The following FGGY variants were observed in gnomAD, a reference collection of about 807,000 sequenced individuals.
FGGY encodes the protein FGGY carbohydrate kinase domain containing, also known as FGGY carbohydrate kinase domain-containing protein.
In FGGY, 72 loss-of-function variants were observed where a neutral mutation model predicts 71.3. That is an observed-to-expected ratio of 1.01 (90% CI 0.84 to 1.23). The LOEUF (loss-of-function observed/expected upper bound fraction) is 1.23. FGGY is among the 50% of genes most tolerant of loss of function. FGGY has a pLI of 0.00. For missense variants in FGGY, 668 were observed against 682.3 expected (o/e 0.98, Z 0.23); for synonymous variants, 251 against 250.3 (o/e 1.00, Z -0.02).
At chr1:59,585,943 G>A (rs2096278121) in intron 8 of FGGY, among the ~76,000 whole-genome samples, 1 of 152,202 alleles carries the variant, frequency 6.6e-6, no homozygotes, top group Non-Finnish European at 1.5e-5. Context: ...TCAGAAAAAT[G>A]CAAATCAAAA....
chr1:59,605,629 T>C (rs1265725701), intron 8 of FGGY, among the ~76,000 whole-genome samples: 1 of 152,214 alleles, frequency 6.6e-6, no homozygotes, highest in Non-Finnish European at 1.5e-5. Flanking sequence ...ACTGTCCTTA[T>C]TTGACAAAAT....
intron 9 of FGGY, among the ~76,000 whole-genome samples, chr1:59,611,541 G>C (rs1219373897): frequency 6.6e-6 from 1 of 152,148 alleles, no homozygotes; most frequent in African/African-American, 2.4e-5. Context: ...AAACCACAAA[G>C]ATGGGGAAAA....
At chr1:59,382,075 A>G (rs539768287) in intron 5 of FGGY, among the ~76,000 whole-genome samples, 2 of 152,272 alleles carry the variant, frequency 1.3e-5, no homozygotes, top group South Asian at 4.1e-4. Context: ...TCTGGGTTGA[A>G]CAAACCTGTG....
intron 4 of FGGY, among the ~76,000 whole-genome samples, chr1:59,369,507 C>A (rs1037127344): frequency 1.3e-5 from 2 of 152,230 alleles, no homozygotes; most frequent in Non-Finnish European, 2.9e-5. Flanking sequence ...AAAAAGACAG[C>A]AGTAACCTCT....
chr1:59,655,909 A>T (rs2153949532), intron 11 of FGGY, among the ~76,000 whole-genome samples: 1 of 152,346 alleles, frequency 6.6e-6, no homozygotes, highest in Admixed American at 6.5e-5. Context: ...GTCAATATTT[A>T]AACCCAGGTG....
intron 6 of FGGY, among the ~76,000 whole-genome samples, chr1:59,500,984 G>A (rs187334925): frequency 2.0e-5 from 3 of 152,258 alleles, no homozygotes; most frequent in South Asian, 2.1e-4. Context: ...TGATAGAAAA[G>A]CCCCTGATGT....
chr1:59,537,076 A>G (rs79417846), intron 7 of FGGY, among the ~76,000 whole-genome samples: 3 of 151,300 alleles, frequency 2.0e-5, no homozygotes, highest in South Asian at 2.1e-4. Context: ...TGCAGATGAC[A>G]TGATTGTATA....
At chr1:59,662,188 C>T (rs1459088163) in intron 12 of FGGY, among the ~76,000 whole-genome samples, 2 of 150,910 alleles carry the variant, frequency 1.3e-5, no homozygotes, top group African/African-American at 2.4e-5. Flanking sequence ...GGCATGGTGG[C>T]GGGCACCTGT....
At chr1:59,456,908 A>G in intron 5 of FGGY, 53 bp from the exon 6 acceptor site, 1 of 1,341,386 alleles carries the variant, frequency 7.5e-7, no homozygotes, top group East Asian at 2.3e-5. Context: ...CAAAATATAA[A>G]GGAAGCCTCA....
chr1:59,472,726 G>A (rs911650059), intron 6 of FGGY, among the ~76,000 whole-genome samples: 1 of 152,162 alleles, frequency 6.6e-6, no homozygotes, highest in Admixed American at 6.5e-5. Flanking sequence ...GTGGGGACTT[G>A]GAGAACCTTT....
intron 14 of FGGY, among the ~76,000 whole-genome samples, chr1:59,741,065 A>G (rs2098142937): frequency 6.6e-6 from 1 of 152,242 alleles, no homozygotes; most frequent in Non-Finnish European, 1.5e-5. Flanking sequence ...TGGGTACTAG[A>G]AAATTTAAAA....
chr1:59,371,547 A>G (rs905762817), intron 4 of FGGY, among the ~76,000 whole-genome samples: 4 of 152,154 alleles, frequency 2.6e-5, no homozygotes, highest in Non-Finnish European at 4.4e-5. Flanking sequence ...CAGCTCTGCA[A>G]CAAGCAGACC....
intron 9 of FGGY, among the ~76,000 whole-genome samples, chr1:59,618,595 G>C (rs1326961899): frequency 2.6e-5 from 4 of 152,032 alleles, no homozygotes; most frequent in Non-Finnish European, 5.9e-5. Context: ...CAGTTGGCAG[G>C]CTTTGTAAGG....
rs943066363 is a variant in FGGY, at chr1:59,335,847, A to G, written c.202-4111A>G. 6.6e-4 allele frequency among the ~76,000 whole-genome samples: 101 copies of G among 152,200 alleles called. 1 individual carries two copies. The highest frequency in any genetic ancestry group is 1.2e-4 in the Non-Finnish European group (8 of 67,996). ...GTCCACATCTTTTGCCAATGTTATC[A>G]TTGGGTTGTTTTTCCTCTTATTATT... On this transcript the variant is annotated intron_variant, in intron 2 of 15. Coordinates refer to ENST00000303721, the MANE Select transcript of FGGY (RefSeq NM_018291.5).
At chr1:59,448,875 C>G (rs1203501951) in intron 5 of FGGY, among the ~76,000 whole-genome samples, 1 of 152,184 alleles carries the variant, frequency 6.6e-6, no homozygotes, top group Non-Finnish European at 1.5e-5. Context: ...GTCTTCCCCA[C>G]TCATACACAC....
chr1:59,334,238 G>T (rs1291653082), intron 2 of FGGY, among the ~76,000 whole-genome samples: 4 of 152,106 alleles, frequency 2.6e-5, no homozygotes, highest in Non-Finnish European at 5.9e-5. Flanking sequence ...TGCCTCCTGG[G>T]TTGAAGCAGT....
At chr1:59,659,864 T>C (rs1267226503) in intron 11 of FGGY, among the ~76,000 whole-genome samples, 1 of 152,208 alleles carries the variant, frequency 6.6e-6, no homozygotes, top group Non-Finnish European at 1.5e-5. Flanking sequence ...ATGCCACTGT[T>C]AGTGTTGATT....
intron 6 of FGGY, among the ~76,000 whole-genome samples, chr1:59,501,643 G>A (rs2094226364): frequency 6.6e-6 from 1 of 152,154 alleles, no homozygotes; most frequent in South Asian, 2.1e-4. Context: ...TTTGAAACAA[G>A]CGTTTTGTTC....
At chr1:59,744,319 C>A (rs2098175908) in intron 14 of FGGY, among the ~76,000 whole-genome samples, 1 of 152,186 alleles carries the variant, frequency 6.6e-6, no homozygotes, top group African/African-American at 2.4e-5. Context: ...CTTCTGGATT[C>A]AAGCGATTCT....
Sources: allele counts gnomAD v4.1 joint callset (sites outside exome capture counted in the v4.1 genomes callset), GRCh38; gene constraint gnomAD v4.1.1; transcripts MANE v1.5; gene names NCBI Gene and HGNC (gene_info 2026-07-23, HGNC 2026-07-21).